The following GPR139 variants were observed in gnomAD, a reference collection of about 807,000 sequenced individuals.
The protein encoded by GPR139 is probable G protein-coupled receptor 139.
Under a neutral mutation model 25.8 loss-of-function variants are expected in GPR139, and 12 were observed. The observed-to-expected ratio is 0.47, with a 90% CI of 0.30 to 0.75. The LOEUF (loss-of-function observed/expected upper bound fraction) is 0.75, where lower values mean the gene tolerates loss of function less well. Among genes scored for constraint, GPR139 ranks in the 30% least tolerant of loss-of-function variants. The probability of loss-of-function intolerance (pLI) is 0.07; values close to 1 mark genes in which losing one functional copy is unlikely to be tolerated. For missense variants in GPR139, 380 were observed against 450.2 expected (o/e 0.84, Z 1.41); for synonymous variants, 184 against 179.9 (o/e 1.02, Z -0.18).
At chr16:20,066,671 T>A (rs1248903730) in intron 1 of GPR139, among the ~76,000 whole-genome samples, 5 of 152,244 alleles carry the variant, frequency 3.3e-5, no homozygotes, top group Admixed American at 3.3e-4. Flanking sequence ...TGTGAGGCAC[T>A]GTGAGAAGCC....
intron 1 of GPR139, among the ~76,000 whole-genome samples, chr16:20,054,979 C>T: frequency 6.6e-6 from 1 of 152,304 alleles, no homozygotes; most frequent in African/African-American, 2.4e-5. Context: ...CCACCCACCT[C>T]AGCTTCCCAA....
At chr16:20,051,832 G>T (rs986832770) in intron 1 of GPR139, among the ~76,000 whole-genome samples, 1 of 152,156 alleles carries the variant, frequency 6.6e-6, no homozygotes, top group Non-Finnish European at 1.5e-5. Context: ...ACGTGCCTGC[G>T]TGTCACAGAG....
At chr16:20,049,091 AC>A (rs1364894492) in intron 1 of GPR139, among the ~76,000 whole-genome samples, 1 of 152,126 alleles carries the variant, frequency 6.6e-6, no homozygotes, top group Non-Finnish European at 1.5e-5. Flanking sequence ...GATCTTTATC[AC>A]CCATTCACTG....
At chr16:20,041,828 A>T (rs1016687844) in intron 1 of GPR139, among the ~76,000 whole-genome samples, 1 of 152,144 alleles carries the variant, frequency 6.6e-6, no homozygotes, top group Non-Finnish European at 1.5e-5. Context: ...GCAGTTGGTT[A>T]GTAGAGGCAC....
rs1451386489 is a variant in GPR139, at chr16:20,032,338, G to A, written c.459C>T (p.Tyr153=). The change falls in exon 2 of 2, where the codon TAC becomes TAT. Residue 153 remains tyrosine, a synonymous_variant. Coordinates refer to ENST00000570682, the MANE Select transcript of GPR139 (RefSeq NM_001002911.4). ...ARTRKVIVSV[Y]ITCFLTSIPY... is the part of the protein sequence containing the mutation. ...GGATGCTGGTCAGGAAGCAGGTGAT[G>A]TAAACACTTACAATGACTTTCCGGG... 3.1e-6 allele frequency: 5 copies of A among 1,614,096 alleles called. No individual in the cohort carries two copies. In the African/African-American group the frequency reaches 5.3e-5, roughly 17 times the overall value.
Position 20,029,634 on chromosome 16 carries a change from T to A in GPR139, c.*2101A>T, listed in dbSNP as rs2057280082. Among the ~76,000 whole-genome samples, 1 of 151,936 alleles carries A rather than the reference T, an allele frequency of 6.6e-6. No homozygotes were observed. The highest frequency in any genetic ancestry group is 1.5e-5 in the Non-Finnish European group (1 of 67,998). On this transcript the variant is annotated 3_prime_UTR_variant, in exon 2 of 2. Transcript: ENST00000570682. ...AAAAAGAGACAGAGAGAAATGCAAT[T>A]TAAGGGAGGTGAGGGAATCTGCTTA...
chr16:20,032,133 A>G lies in GPR139; in HGVS notation c.664T>C (p.Ser222Pro). The stretch of plus-strand genomic sequence containing the variant: ...AAGATGGCGGTGGTCTTCCCCGTGG[A>G]GTAGCCACGGAGACGAAAATTGCTC... ...RKSNFRLRGY[S>P]TGKTTAILFT... The change falls in exon 2 of 2, where the codon TCC (serine) becomes CCC (proline). Residue 222 changes from serine (S) to proline (P), a missense_variant. Coordinates refer to ENST00000570682, the MANE Select transcript of GPR139 (RefSeq NM_001002911.4). 2.5e-6 allele frequency: 4 copies of G among 1,614,158 alleles called. No individual in the cohort carries two copies. Among genetic ancestry groups the G allele is most frequent in the Admixed American group, 3.3e-5 (2 of 60,026 alleles).
At chr16:20,051,072 A>AAAG (rs1555466277) in intron 1 of GPR139, among the ~76,000 whole-genome samples, 1 of 145,550 alleles carries the variant, frequency 6.9e-6, no homozygotes, top group South Asian at 2.2e-4. Flanking sequence ...CAAAAAAAAA[A>AAAG]AAAGAAAGAA....
At chr16:20,062,825 G>A (rs1024859223) in intron 1 of GPR139, among the ~76,000 whole-genome samples, 2 of 152,198 alleles carry the variant, frequency 1.3e-5, no homozygotes, top group Non-Finnish European at 2.9e-5. Context: ...CATCCAAAAT[G>A]TAATTTATGT....
At chr16:20,041,218 G>T (rs1174376590) in intron 1 of GPR139, among the ~76,000 whole-genome samples, 5 of 2,992 alleles carry the variant, frequency 1.7e-3, no homozygotes, top group African/African-American at 6.6e-3. Flanking sequence ...GAGGAGAGGA[G>T]AGGAGAGGAG....
At chr16:20,033,694 A>T (rs1310723870) in intron 1 of GPR139, among the ~76,000 whole-genome samples, 1 of 152,158 alleles carries the variant, frequency 6.6e-6, no homozygotes, top group African/African-American at 2.4e-5. Context: ...ATCTACGTAC[A>T]TGCTACATAA....
chr16:20,059,291 A>C (rs2057402282), intron 1 of GPR139, among the ~76,000 whole-genome samples: 1 of 152,136 alleles, frequency 6.6e-6, no homozygotes. Flanking sequence ...GCAGCATGTA[A>C]GAAGTCAAAT....
In GPR139 at chr16:20,031,381, G is replaced by A. The variant is rs938487074; in HGVS notation, c.*354C>T. 1 of 262,102 alleles carries A rather than the reference G, an allele frequency of 3.8e-6. No homozygotes were observed. Among genetic ancestry groups the A allele is most frequent in the South Asian group, 6.6e-5 (1 of 15,266 alleles). 16.2% of individuals were successfully genotyped at this position (262,102 alleles called of 1,614,324 possible). A position where few individuals can be genotyped will look rare whatever the true frequency, so the allele number is the denominator to read the frequency against. ...CTGGGGCTTGGTAAGTCCCATAAAT[G>A]AAGGGTTCCCAGTGACTGTGGATGG... On this transcript the variant is annotated 3_prime_UTR_variant, in exon 2 of 2. Coordinates refer to ENST00000570682, the MANE Select transcript of GPR139 (RefSeq NM_001002911.4).
In GPR139 at chr16:20,031,895, T is replaced by C. The variant is rs533506374; in HGVS notation, c.902A>G (p.Lys301Arg). ...RFRTMAAATL[K>R]AFFKCQKQPV... ...TTGCTTCTGGCACTTGAAGAAAGCC[T>C]TGAGCGTGGCGGCTGCCATGGTGCG... Residue 301 changes from lysine (K) to arginine (R), a missense_variant, in exon 2 of 2, where the codon AAG becomes AGG. By Grantham distance (26) the Lys-to-Arg change is conservative. Coordinates refer to ENST00000570682, the MANE Select transcript of GPR139 (RefSeq NM_001002911.4). 1.9e-6 allele frequency: 3 copies of C among 1,614,118 alleles called. No homozygotes were observed. Among genetic ancestry groups the C allele is most frequent in the Non-Finnish European group, 2.5e-6 (3 of 1,180,046 alleles).
In GPR139 at chr16:20,073,534, A is replaced by C; in HGVS notation, c.83T>G (p.Val28Gly). The C allele has an allele frequency of 6.2e-7, 1 of 1,608,734 alleles. No homozygotes were observed. The change falls in exon 1 of 2, where the codon GTG becomes GGG. Residue 28 changes from valine (V) to glycine (G), a missense_variant. Coordinates refer to ENST00000570682, the MANE Select transcript of GPR139 (RefSeq NM_001002911.4). The surrounding 1 kb of genome is among the most constrained non-coding windows in gnomAD (Gnocchi z 4.7). Reference sequence around the variant, plus strand: ...CAAGAGGCTGTAGTAGACCACGGGCACGAAACCCAAGCCGCAGGCCGAGCC... The same window carrying C: ...CAAGAGGCTGTAGTAGACCACGGGCCCGAAACCCAAGCCGCAGGCCGAGCC... ...SPGSACGLGF[V>G]PVVYYSLLLC...
At chr16:20,056,117 A>G (rs1214040896) in intron 1 of GPR139, among the ~76,000 whole-genome samples, 2 of 152,234 alleles carry the variant, frequency 1.3e-5, no homozygotes, top group Non-Finnish European at 2.9e-5. Context: ...GTGGAAAGGC[A>G]TGAATGCAGT....
Position 20,073,409 on chromosome 16 carries a change from G to C in GPR139, c.127+81C>G, listed in dbSNP as rs758825134. On this transcript the variant is annotated intron_variant, in intron 1 of 1. Transcript: ENST00000570682. The surrounding 1 kb of genome is among the most constrained non-coding windows in gnomAD (Gnocchi z 4.7). ...TCCGAGGGGGCGCCAGGGAACGCAC[G>C]GGGGAGGACGGGGGATTCTGGGTAG... is the stretch of plus-strand genomic sequence containing the variant. The C allele has an allele frequency of 4.5e-6, 7 of 1,552,804 alleles. No homozygotes were observed. The highest frequency in any genetic ancestry group is 6.1e-6 in the Non-Finnish European group (7 of 1,146,754).
chr16:20,056,819 G>C (rs2057389847), intron 1 of GPR139, among the ~76,000 whole-genome samples: 1 of 152,196 alleles, frequency 6.6e-6, no homozygotes, highest in Admixed American at 6.5e-5. Context: ...GAAGGATCTG[G>C]AAGAGGAGAA....
chr16:20,043,101 G>C (rs553384332), intron 1 of GPR139, among the ~76,000 whole-genome samples: 1 of 152,318 alleles, frequency 6.6e-6, no homozygotes, highest in South Asian at 2.1e-4. Flanking sequence ...CTGATGAGTA[G>C]GCAGCAAGAG....
Sources: allele counts gnomAD v4.1 joint callset (sites outside exome capture counted in the v4.1 genomes callset), GRCh38; gene constraint gnomAD v4.1.1; non-coding constraint Gnocchi (gnomAD v3.1); transcripts MANE v1.5; gene names NCBI Gene and HGNC (gene_info 2026-07-23, HGNC 2026-07-21).